TBC1D13: variants seen among roughly 807,000 people sequenced by gnomAD.
TBC1D13 encodes epididymis secretory sperm binding protein.
Under a neutral mutation model 53.6 loss-of-function variants are expected in TBC1D13, and 40 were observed. The ratio of observed to expected loss-of-function variants is 0.75; its 90% CI spans 0.58 to 0.97. TBC1D13 has a LOEUF of 0.97. Ranked by LOEUF, TBC1D13 falls within the 50% of genes least tolerant of loss-of-function variation. TBC1D13 has a pLI of 0.00. For synonymous variants in TBC1D13, 182 were observed against 197.7 expected (o/e 0.92, Z 0.67); for missense variants, 377 against 499.4 (o/e 0.75, Z 2.34).
intron 7 of TBC1D13, 112 bp from the exon 8 acceptor site, chr9:128,803,138 C>G: frequency 1.1e-6 from 1 of 913,262 alleles, no homozygotes; most frequent in East Asian, 2.5e-5. Context: ...ACTGCAGCCT[C>G]GACCACTGGG....
chr9:128,793,964 T>C (rs1251092426), intron 6 of TBC1D13, among the ~76,000 whole-genome samples: 4 of 152,210 alleles, frequency 2.6e-5, no homozygotes, highest in Non-Finnish European at 4.4e-5. Context: ...AGGAGACATA[T>C]ACTAAACCTG....
chr9:128,798,345 G>A (rs548640967), intron 7 of TBC1D13, among the ~76,000 whole-genome samples: 3 of 152,288 alleles, frequency 2.0e-5, no homozygotes, highest in African/African-American at 7.2e-5. Context: ...TCCAGGTCAG[G>A]GAGGCCACGG....
At chr9:128,799,972 A>G (rs1468067155) in intron 7 of TBC1D13, among the ~76,000 whole-genome samples, 4 of 152,300 alleles carry the variant, frequency 2.6e-5, no homozygotes, top group African/African-American at 2.4e-5. Flanking sequence ...AGTGAGCCGA[A>G]ATCGCGCCAC....
At chr9:128,806,341 C>T (rs781174639) in intron 11 of TBC1D13, 30 bp downstream of exon 11, 34 of 1,613,494 alleles carry the variant, frequency 2.1e-5, no homozygotes, top group Non-Finnish European at 2.7e-5. Flanking sequence ...GGCTCAGCCA[C>T]TGCCATGAGG....
In TBC1D13 at chr9:128,794,616, C is replaced by T. The variant is rs1829595928; in HGVS notation, c.383+2042C>T. Among the ~76,000 whole-genome samples the T allele has an allele frequency of 1.3e-5, 2 of 151,434 alleles. 1 individual carries two copies. The highest frequency in any genetic ancestry group is 3.0e-5 in the Non-Finnish European group (2 of 67,776). On this transcript the variant is annotated intron_variant, in intron 6 of 11. Transcript: ENST00000372648. ...TCAGCCTCCCTAGTAGCTGGGATTA[C>T]AGGCATGTGCCACAACGCCTGGCTG...
At position 128,797,063 on chromosome 9, in the gene TBC1D13, GC is replaced by G; in HGVS notation, c.395del (p.Pro132GlnfsTer36). ...CTGTTCCCTCTTGACAGGAGGTTGT[GC>G]CCAGACATTTCCTTCTTCCAGAGGG... ...LQIDKDVRRL[C>X]PDISFFQRAT... On this transcript the variant is annotated frameshift_variant, in exon 7 of 12. Coordinates refer to ENST00000372648, the MANE Select transcript of TBC1D13 (RefSeq NM_018201.5). LOFTEE classifies it high-confidence loss of function. 1 of 1,614,054 alleles carries G rather than the reference GC, an allele frequency of 6.2e-7. No homozygotes were observed. The highest frequency in any genetic ancestry group is 8.5e-7 in the Non-Finnish European group (1 of 1,179,966).
chr9:128,804,776 T>C (rs1829802043), intron 9 of TBC1D13, among the ~76,000 whole-genome samples: 1 of 133,624 alleles, frequency 7.5e-6, no homozygotes. Flanking sequence ...GAGGCCAGGT[T>C]GGAGTGCAGT....
chr9:128,803,863 C>T lies in TBC1D13; in HGVS notation c.755-93C>T, dbSNP rs555433480. On this transcript the variant is annotated intron_variant, in intron 8 of 11. Transcript: ENST00000372648. ...GCCAGACCATGAGGATGGGGCAACT[C>T]GGCGGGGCTCAGAGCAGGGCAGATG... is the stretch of plus-strand genomic sequence containing the variant. The T allele has an allele frequency of 5.0e-5, 76 of 1,525,130 alleles. No individual in the cohort carries two copies. The East Asian group carries it at 7.9e-4, about 16-fold the overall frequency. The allele number at this position is 1,525,130 out of a possible 1,614,324, so 94.5% of individuals were successfully genotyped here. A position where few individuals can be genotyped will look rare whatever the true frequency, so the allele number is the denominator to read the frequency against.
At chr9:128,791,501 G>T in intron 4 of TBC1D13, 60 bp downstream of exon 4, 2 of 1,607,120 alleles carry the variant, frequency 1.2e-6, no homozygotes, top group Admixed American at 1.7e-5. Flanking sequence ...AGCCAGTACC[G>T]CTGGGGCCGC....
rs753434094 is a variant in TBC1D13 at position 128,808,050 on chromosome 9, AC to A, written c.*172del. On this transcript the variant is annotated 3_prime_UTR_variant, in exon 12 of 12. Transcript: ENST00000372648. ...ACTGTGCCGTGCTCCTTCTGCCGCCACGCCCAGCTCCCCACCTGCCCTGCAC... is the reference window on the plus strand; with the variant it reads ...ACTGTGCCGTGCTCCTTCTGCCGCCAGCCCAGCTCCCCACCTGCCCTGCAC... 386 of 636,542 alleles carry A rather than the reference AC, an allele frequency of 6.1e-4. 3 individuals carry two copies. Among genetic ancestry groups the A allele is most frequent in the Non-Finnish European group, 1.2e-4 (42 of 353,644 alleles). 39.4% of individuals were successfully genotyped at this position (636,542 alleles called of 1,614,324 possible). A position where few individuals can be genotyped will look rare whatever the true frequency, so the allele number is the denominator to read the frequency against.
In TBC1D13 at chr9:128,806,301, G is replaced by C; in HGVS notation, c.1127G>C (p.Arg376Pro). ...GAAGGGGACTTCACTGTGAATATGC[G>C]GCTGCTGCAGGTAATGGGAGTTGGG... is the stretch of plus-strand genomic sequence containing the variant. ...LLEGDFTVNM[R>P]LLQDYPITDV... Residue 376 changes from arginine to proline, a missense_variant, in exon 11 of 12, where the codon CGG becomes CCG. Arg to Pro is a moderately radical substitution (Grantham distance 103, BLOSUM62 -2). Transcript: ENST00000372648. 2 of 1,614,106 alleles carry C rather than the reference G, an allele frequency of 1.2e-6. No homozygotes were observed. Among genetic ancestry groups the C allele is most frequent in the Middle Eastern group, 1.6e-4 (1 of 6,062 alleles).
Position 128,791,600 on chromosome 9 carries a change from G to C in TBC1D13, c.207G>C (p.Leu69=). 6.2e-7 allele frequency: 1 copy of C among 1,614,188 alleles called. No individual in the cohort carries two copies. Among genetic ancestry groups the C allele is most frequent in the Non-Finnish European group, 8.5e-7 (1 of 1,180,014 alleles). Residue 69 remains leucine (L), a synonymous_variant, in exon 5 of 12, where the codon CTG becomes CTC. Coordinates refer to ENST00000372648, the MANE Select transcript of TBC1D13 (RefSeq NM_018201.5). ...TCTCACTTGTCTCCTGCAGGGAGCT[G>C]TATGCCCAGTTCCTGAGGGAAATGA... The part of the protein sequence containing the change: ...WTSILAKQRE[L]YAQFLREMII...
At chr9:128,787,495 T>A in intron 1 of TBC1D13, 119 bp downstream of exon 1, 1 of 1,051,466 alleles carries the variant, frequency 9.5e-7, no homozygotes, top group Non-Finnish European at 1.2e-6. Flanking sequence ...CGGCAGAGGG[T>A]CTCGAGCGTC....
chr9:128,804,736 T>TG lies in TBC1D13; in HGVS notation c.918+617_918+618insG, dbSNP rs1589576294. Among the ~76,000 whole-genome samples the TG allele has an allele frequency of 5.7e-5, 5 of 88,318 alleles. No homozygotes were observed. In the South Asian group the frequency reaches 1.4e-3, roughly 25 times the overall value. 57.9% of individuals were successfully genotyped at this position (88,318 alleles called of 152,430 possible). On this transcript the variant is annotated intron_variant, in intron 9 of 11. Transcript: ENST00000372648. ...TTTTTTTCTGTTTTTTTTTTTTTTT[T>TG]TTTTTTTTTGAGAAGGACTCTCTCT...
At position 128,806,258 on chromosome 9, in the gene TBC1D13, A is replaced by C. The variant is rs974429667; in HGVS notation, c.1084A>C (p.Ile362Leu). 1.2e-6 allele frequency: 2 copies of C among 1,614,014 alleles called. No individual in the cohort carries two copies. The highest frequency in any genetic ancestry group is 2.7e-5 in the African/African-American group (2 of 74,926). ...LLVCCAMLML[I>L]REQLLEGDFT... ...TTTTGCTGCTGCTTTTCATAGGCTG[A>C]TCCGGGAGCAGTTGCTGGAAGGGGA... Residue 362 changes from isoleucine (I) to leucine (L), a missense_variant, in exon 11 of 12, where the codon ATC (isoleucine) becomes CTC (leucine). Coordinates refer to ENST00000372648, the MANE Select transcript of TBC1D13 (RefSeq NM_018201.5).
At position 128,802,187 on chromosome 9, in the gene TBC1D13, CTGGGATTACAGGTATA is replaced by C. The variant is rs1336421542; in HGVS notation, c.544-1062_544-1047del. ...TCTCCTGCCTCAGCCTCCTGAGTAG[CTGGGATTACAGGTATA>C]CGCCACCACGCCTGGCTAATTTTTT... On this transcript the variant is annotated intron_variant, in intron 7 of 11. Coordinates refer to ENST00000372648, the MANE Select transcript of TBC1D13 (RefSeq NM_018201.5). Among the ~76,000 whole-genome samples, 23 of 149,260 alleles carry C rather than the reference CTGGGATTACAGGTATA, an allele frequency of 1.5e-4. 1 individual carries two copies. The highest frequency in any genetic ancestry group is 1.5e-5 in the Non-Finnish European group (1 of 67,106).
Position 128,804,012 on chromosome 9 carries a change from G to T in TBC1D13, c.811G>T (p.Asp271Tyr). 1 of 1,613,990 alleles carries T rather than the reference G, an allele frequency of 6.2e-7. No homozygotes were observed. Among genetic ancestry groups the T allele is most frequent in the Admixed American group, 1.7e-5 (1 of 60,006 alleles). ...CFTNLMAEIRDNFIKSLDDSQ... is the reference protein window; with the variant it reads ...CFTNLMAEIRYNFIKSLDDSQ... ...CACCAACCTCATGGCCGAGATCCGG[G>T]ACAACTTTATCAAGAGCCTGGATGA... is the stretch of plus-strand genomic sequence containing the variant. Residue 271 changes from aspartate to tyrosine, a missense_variant, in exon 9 of 12, where the codon GAC (aspartate) becomes TAC (tyrosine). Transcript: ENST00000372648.
Position 128,789,547 on chromosome 9 carries a change from G to T in TBC1D13, c.97+1140G>T, listed in dbSNP as rs1009092545. Among the ~76,000 whole-genome samples the T allele has an allele frequency of 5.3e-5, 8 of 151,802 alleles. No homozygotes were observed. The South Asian group carries it at 6.2e-4, about 12-fold the overall frequency. On this transcript the variant is annotated intron_variant, in intron 2 of 11. Transcript: ENST00000372648. ...TAGTAGTTAAGAGTTTTACAGATAA[G>T]TTTCCTTCTTACGACAATTACGTTA...
Position 128,790,752 on chromosome 9 carries a change from G to A in TBC1D13, c.115G>A (p.Gly39Arg), listed in dbSNP as rs1443054267. 4.5e-6 allele frequency: 7 copies of A among 1,552,436 alleles called. No individual in the cohort carries two copies. Among genetic ancestry groups the A allele is most frequent in the South Asian group, 1.2e-5 (1 of 82,540 alleles). The change falls in exon 3 of 12, where the codon GGA (glycine) becomes AGA (arginine). Residue 39 changes from glycine to arginine, a missense_variant. By Grantham distance (125) the Gly-to-Arg change is moderately radical (BLOSUM62 -2). Transcript: ENST00000372648. ...GTCCACAGGCATCCCCTGTGAGGGC[G>A]GACTGCGGTGCCTCTGCTGGAAGGT... Reference protein sequence around the residue: ...LSFSGIPCEGGLRCLCWKILL... With the variant: ...LSFSGIPCEGRLRCLCWKILL...
Sources: allele counts gnomAD v4.1 joint callset (sites outside exome capture counted in the v4.1 genomes callset), GRCh38; gene constraint gnomAD v4.1.1; transcripts MANE v1.5; gene names NCBI Gene and HGNC (gene_info 2026-07-23, HGNC 2026-07-21).